PDE7B: variants seen among roughly 807,000 people sequenced by gnomAD.
PDE7B encodes the protein phosphodiesterase 7B.
A neutral mutation model predicts 56.2 loss-of-function variants in PDE7B; 29 were observed. That is an observed-to-expected ratio of 0.52 (90% confidence interval 0.38 to 0.70). The LOEUF (loss-of-function observed/expected upper bound fraction) is 0.70, where lower values mean the gene tolerates loss of function less well. PDE7B is among the 30% of genes least tolerant of loss of function. The pLI is 0.00. For missense variants in PDE7B, 490 were observed against 565.0 expected (o/e 0.87, Z 1.35); for synonymous variants, 197 against 196.9 (o/e 1.00, Z 0.00).
At chr6:136,185,591 T>TA (rs573077556) in intron 11 of PDE7B, among the ~76,000 whole-genome samples, 169 of 149,438 alleles carry the variant, frequency 1.1e-3, no homozygotes, top group South Asian at 3.0e-3. Flanking sequence ...TATCTCTATT[T>TA]AAAAAAAAAA....
intron 2 of PDE7B, among the ~76,000 whole-genome samples, chr6:135,960,151 C>G (rs1774873613): frequency 6.6e-6 from 1 of 152,114 alleles, no homozygotes; most frequent in Non-Finnish European, 1.5e-5. Context: ...CTTCTTCTCC[C>G]AGACTGGTCT....
chr6:135,939,969 A>C (rs563805796), intron 1 of PDE7B, among the ~76,000 whole-genome samples: 53 of 152,308 alleles, frequency 3.5e-4, no homozygotes, highest in African/African-American at 1.3e-3. Context: ...TATTTGATAC[A>C]ATGCTAGAGT....
At chr6:136,155,545 A>G in intron 7 of PDE7B, 82 bp from the exon 8 acceptor site, 2 of 1,158,692 alleles carry the variant, frequency 1.7e-6, no homozygotes, top group Non-Finnish European at 2.5e-6. Flanking sequence ...ATGATGATTC[A>G]TTGTGTTTGA....
At chr6:135,983,988 A>G (rs1775338235) in intron 2 of PDE7B, among the ~76,000 whole-genome samples, 1 of 152,254 alleles carries the variant, frequency 6.6e-6, no homozygotes, top group South Asian at 2.1e-4. Flanking sequence ...TCCTCAATTT[A>G]CTGCAAATTC....
At chr6:136,019,801 GAA>G (rs1421524677) in intron 2 of PDE7B, among the ~76,000 whole-genome samples, 1 of 152,148 alleles carries the variant, frequency 6.6e-6, no homozygotes, top group East Asian at 1.9e-4. Context: ...GTGTTATTAA[GAA>G]AATCATAAGG....
intron 3 of PDE7B, among the ~76,000 whole-genome samples, chr6:136,134,379 C>T (rs1162453631): frequency 2.0e-5 from 3 of 152,104 alleles, no homozygotes; most frequent in African/African-American, 7.2e-5. Flanking sequence ...GACTTAGAAT[C>T]AACTCAAAGT....
intron 2 of PDE7B, among the ~76,000 whole-genome samples, chr6:136,055,720 T>C (rs1776716946): frequency 6.6e-6 from 1 of 152,086 alleles, no homozygotes; most frequent in Admixed American, 6.6e-5. Context: ...AGCAGCTGGG[T>C]GCTAAGTGTA....
At chr6:136,012,057 C>G (rs889406440) in intron 2 of PDE7B, among the ~76,000 whole-genome samples, 13 of 152,124 alleles carry the variant, frequency 8.5e-5, no homozygotes, top group African/African-American at 3.1e-4. Flanking sequence ...GGCTCCTGAA[C>G]AACCCCTTTA....
intron 1 of PDE7B, among the ~76,000 whole-genome samples, chr6:135,900,856 C>A (rs1229994139): frequency 4.0e-5 from 6 of 151,868 alleles, no homozygotes; most frequent in Admixed American, 3.3e-4. Flanking sequence ...ATTCTCCTAG[C>A]CCCCTGTCCA....
rs540782413 is a variant in PDE7B, at chr6:136,128,205, A to G, written c.167-19146A>G. Among the ~76,000 whole-genome samples the G allele has an allele frequency of 9.8e-5, 15 of 152,326 alleles. No homozygotes were observed. In the East Asian group the frequency reaches 2.3e-3, roughly 24 times the overall value. On this transcript the variant is annotated intron_variant, in intron 3 of 12. Coordinates refer to ENST00000308191, the MANE Select transcript of PDE7B (RefSeq NM_018945.4). ...AAGCTAGCTTAGCACCCGTGTGCAA[A>G]TCAAGTATGCCCTATTCAATTTACC... is the stretch of plus-strand genomic sequence containing the variant.
At chr6:136,151,047 G>GAA (rs35539959) in intron 5 of PDE7B, 113 bp from the exon 6 acceptor site, 2 of 608,008 alleles carry the variant, frequency 3.3e-6, no homozygotes, top group Non-Finnish European at 5.9e-6. Context: ...TTCTAAAGGG[G>GAA]AAAAAATATT....
At position 136,025,216 on chromosome 6, in the gene PDE7B, C is replaced by T. The variant is rs554089431; in HGVS notation, c.82+77692C>T. On this transcript the variant is annotated intron_variant, in intron 2 of 12. Transcript: ENST00000308191. ...TCAGCATGCACTGTGATTTAGACCA[C>T]TTTGGGCGGTGCTTTAAGGAAGATA... Among the ~76,000 whole-genome samples, 4 of 152,316 alleles carry T rather than the reference C, an allele frequency of 2.6e-5. No individual in the cohort carries two copies. In the East Asian group the frequency reaches 7.7e-4, roughly 29 times the overall value.
At chr6:135,882,378 C>G (rs899229471) in intron 1 of PDE7B, among the ~76,000 whole-genome samples, 1 of 152,134 alleles carries the variant, frequency 6.6e-6, no homozygotes. Context: ...AACTTTCTCT[C>G]CCTCTGTGTT....
chr6:136,009,193 T>G (rs1266182589), intron 2 of PDE7B, among the ~76,000 whole-genome samples: 1 of 152,024 alleles, frequency 6.6e-6, no homozygotes, highest in Non-Finnish European at 1.5e-5. Context: ...CATTGGTCTA[T>G]ATCTCTGTTT....
At chr6:135,980,185 T>A (rs201426425) in intron 2 of PDE7B, among the ~76,000 whole-genome samples, 1 of 151,074 alleles carries the variant, frequency 6.6e-6, no homozygotes, top group Non-Finnish European at 1.5e-5. Flanking sequence ...AAACAAGCAA[T>A]GAGGAAAGGA....
In PDE7B at chr6:136,155,684, C is replaced by A; in HGVS notation, c.637C>A (p.His213Asn). ...IMLGLLAAAA[H>N]DVDHPGVNQP... ...GCTTGGACTGCTGGCTGCAGCAGCA[C>A]ACGATGTGGACCACCCAGGGGTGAA... The change falls in exon 8 of 13, where the codon CAC (histidine) becomes AAC (asparagine). Residue 213 changes from histidine (H) to asparagine (N), a missense_variant. Coordinates refer to ENST00000308191, the MANE Select transcript of PDE7B (RefSeq NM_018945.4). The A allele has an allele frequency of 6.2e-7, 1 of 1,613,718 alleles. No homozygotes were observed. The highest frequency in any genetic ancestry group is 8.5e-7 in the Non-Finnish European group (1 of 1,179,664).
chr6:136,125,193 G>A (rs946617712), intron 3 of PDE7B, among the ~76,000 whole-genome samples: 6 of 151,998 alleles, frequency 3.9e-5, no homozygotes, highest in South Asian at 4.2e-4. Flanking sequence ...TACTATAATC[G>A]TTACATGTAT....
intron 2 of PDE7B, among the ~76,000 whole-genome samples, chr6:136,095,162 GT>G (rs1777452826): frequency 6.6e-6 from 1 of 152,118 alleles, no homozygotes; most frequent in Non-Finnish European, 1.5e-5. Context: ...AAACCTGCAT[GT>G]TTCCCAAATT....
At position 136,179,033 on chromosome 6, in the gene PDE7B, G is replaced by T; in HGVS notation, c.840G>T (p.Leu280Phe). 6.2e-7 allele frequency: 1 copy of T among 1,614,112 alleles called. No homozygotes were observed. The highest frequency in any genetic ancestry group is 8.5e-7 in the Non-Finnish European group (1 of 1,179,966). Residue 280 changes from leucine to phenylalanine, a missense_variant, in exon 10 of 13, where the codon TTG (leucine) becomes TTT (phenylalanine). Coordinates refer to ENST00000308191, the MANE Select transcript of PDE7B (RefSeq NM_018945.4). ...DIEQQLGSLI[L>F]ATDINRQNEF... Reference sequence around the variant, plus strand: ...AACAGCAGCTGGGCTCCTTGATCTTGGCAACAGACATCAACAGGCAGAATG... The same window carrying T: ...AACAGCAGCTGGGCTCCTTGATCTTTGCAACAGACATCAACAGGCAGAATG...
Sources: allele counts gnomAD v4.1 joint callset (sites outside exome capture counted in the v4.1 genomes callset), GRCh38; gene constraint gnomAD v4.1.1; transcripts MANE v1.5; gene names NCBI Gene and HGNC (gene_info 2026-07-23, HGNC 2026-07-21).